BCAS3: variants seen among roughly 807,000 people sequenced by gnomAD.
BCAS3 encodes BCAS4/BCAS3 fusion.
Under a neutral mutation model 116.1 loss-of-function variants are expected in BCAS3, and 53 were observed. That is an observed-to-expected ratio of 0.46 (90% CI 0.37 to 0.57). The LOEUF (loss-of-function observed/expected upper bound fraction) is 0.57. Ranked by LOEUF, BCAS3 falls within the 20% of genes least tolerant of loss-of-function variation. BCAS3 has a pLI of 0.00. For missense variants in BCAS3, 917 were observed against 1,165.4 expected (o/e 0.79, Z 3.10); for synonymous variants, 391 against 408.2 (o/e 0.96, Z 0.51).
chr17:60,991,305 C>T (rs1194482193), intron 15 of BCAS3, among the ~76,000 whole-genome samples: 1 of 152,184 alleles, frequency 6.6e-6, no homozygotes, highest in Admixed American at 6.6e-5. Flanking sequence ...TTACAGCTCT[C>T]ATTTATTCCA....
rs900431308 is a variant in BCAS3 at position 61,041,700 on chromosome 17, G to C, written c.2029+808G>C. 3.3e-5 allele frequency among the ~76,000 whole-genome samples: 5 copies of C among 151,864 alleles called. No individual in the cohort carries two copies. Among genetic ancestry groups the C allele is most frequent in the African/African-American group, 9.7e-5 (4 of 41,358 alleles). On this transcript the variant is annotated intron_variant, in intron 19 of 23. Coordinates refer to ENST00000407086, the MANE Select transcript of BCAS3 (RefSeq NM_017679.5). The surrounding 1 kb of genome is among the most constrained non-coding windows in gnomAD (Gnocchi z 4.7). The stretch of plus-strand genomic sequence containing the variant: ...GAAAGCATGAATTAAAATAGTTGTC[G>C]AATGATTTTATTTTATCTTTATAAT...
rs1179451655 is a variant in BCAS3 at position 61,248,563 on chromosome 17, G to A, written c.2426-119764G>A. On this transcript the variant is annotated intron_variant, in intron 22 of 23. Transcript: ENST00000407086. This position sits in a 1 kb window ranked among gnomAD's most constrained non-coding sequence, Gnocchi z 4.3. ...GATTAGAGTGCAAAGTCCATCTGGT[G>A]AGAATTTGTCTGGTTTGTGCTTCCT... 6.6e-6 allele frequency among the ~76,000 whole-genome samples: 1 copy of A among 152,182 alleles called. No homozygotes were observed. Among genetic ancestry groups the A allele is most frequent in the African/African-American group, 2.4e-5 (1 of 41,440 alleles).
chr17:60,734,644 A>T (rs534054287), intron 5 of BCAS3, among the ~76,000 whole-genome samples: 1 of 152,320 alleles, frequency 6.6e-6, no homozygotes, highest in East Asian at 1.9e-4. Flanking sequence ...GACTGTATTT[A>T]TGTGGGTCTA....
In BCAS3 at chr17:61,118,202, G is replaced by T. The variant is rs2075589599; in HGVS notation, c.2425+33638G>T. Among the ~76,000 whole-genome samples the T allele has an allele frequency of 6.6e-6, 1 of 152,148 alleles. No individual in the cohort carries two copies. The highest frequency in any genetic ancestry group is 2.4e-5 in the African/African-American group (1 of 41,418). On this transcript the variant is annotated intron_variant, in intron 22 of 23. Transcript: ENST00000407086. The surrounding 1 kb of genome is among the most constrained non-coding windows in gnomAD (Gnocchi z 5.0). ...GGATGTTCTACCTCGTTTCTGCCAG[G>T]TGGAGGTAGAAGCCCAGGTTCCTTA...
Position 61,355,448 on chromosome 17 carries a change from C to A in BCAS3, c.2426-12879C>A, listed in dbSNP as rs949108207. ...TGGAATGGAAAGACTGAGCTGAAAA[C>A]CCCCTCGCTGGCACTCCAGCCATAT... On this transcript the variant is annotated intron_variant, in intron 22 of 23. Coordinates refer to ENST00000407086, the MANE Select transcript of BCAS3 (RefSeq NM_017679.5). The surrounding 1 kb of genome is among the most constrained non-coding windows in gnomAD (Gnocchi z 4.2). 6.6e-6 allele frequency among the ~76,000 whole-genome samples: 1 copy of A among 151,500 alleles called. No homozygotes were observed. Among genetic ancestry groups the A allele is most frequent in the Non-Finnish European group, 1.5e-5 (1 of 67,960 alleles).
At chr17:60,949,283 G>C (rs1479713133) in intron 14 of BCAS3, among the ~76,000 whole-genome samples, 1 of 149,960 alleles carries the variant, frequency 6.7e-6, no homozygotes, top group Admixed American at 6.7e-5. Flanking sequence ...TTGAGGACAG[G>C]GTCTTGCTCT....
At chr17:61,321,705 C>A (rs868286209) in intron 22 of BCAS3, among the ~76,000 whole-genome samples, 4 of 152,070 alleles carry the variant, frequency 2.6e-5, no homozygotes, top group South Asian at 2.1e-4. Context: ...CCTAGGAAGG[C>A]GAGCCAGCAA....
chr17:60,998,757 A>AT (rs2064015309), intron 15 of BCAS3, among the ~76,000 whole-genome samples: 1 of 151,938 alleles, frequency 6.6e-6, no homozygotes, highest in Admixed American at 6.6e-5. Flanking sequence ...AGTTTGTAGT[A>AT]TTTTTTTCCC....
rs917444356 is a variant in BCAS3 at position 61,235,283 on chromosome 17, G to A, written c.2426-133044G>A. On this transcript the variant is annotated intron_variant, in intron 22 of 23. Transcript: ENST00000407086. This position sits in a 1 kb window ranked among gnomAD's most constrained non-coding sequence, Gnocchi z 5.0. ...GTGAAGGCTGAAGGACCGGATAAGT[G>A]TAGTTTCCAGAATCCTTCTTGGCTA... Among the ~76,000 whole-genome samples the A allele has an allele frequency of 6.6e-6, 1 of 152,198 alleles. No homozygotes were observed. The highest frequency in any genetic ancestry group is 2.1e-4 in the South Asian group (1 of 4,832).
intron 22 of BCAS3, among the ~76,000 whole-genome samples, chr17:61,201,922 C>G (rs2080848159): frequency 6.6e-6 from 1 of 151,420 alleles, no homozygotes. Flanking sequence ...CCACGCTCGG[C>G]TAGTTTTTGT....
intron 6 of BCAS3, among the ~76,000 whole-genome samples, chr17:60,804,700 T>C (rs548357793): frequency 1.3e-5 from 2 of 152,336 alleles, no homozygotes; most frequent in South Asian, 2.1e-4. Flanking sequence ...AATAATCTTA[T>C]ATACAAGTTA....
chr17:61,032,780 C>A lies in BCAS3; in HGVS notation c.1638-1886C>A, dbSNP rs919150067. Among the ~76,000 whole-genome samples, 1 of 152,194 alleles carries A rather than the reference C, an allele frequency of 6.6e-6. No homozygotes were observed. The highest frequency in any genetic ancestry group is 1.5e-5 in the Non-Finnish European group (1 of 68,024). ...TATTTAAAAACGATGTCTTTATTCC[C>A]TGTCACTGGAAGTCTCACTGTGACT... On this transcript the variant is annotated intron_variant, in intron 16 of 23. Coordinates refer to ENST00000407086, the MANE Select transcript of BCAS3 (RefSeq NM_017679.5). The surrounding 1 kb of genome is among the most constrained non-coding windows in gnomAD (Gnocchi z 4.6).
intron 19 of BCAS3, among the ~76,000 whole-genome samples, chr17:61,047,382 A>T (rs1353210376): frequency 1.3e-5 from 2 of 152,046 alleles, no homozygotes; most frequent in African/African-American, 2.4e-5. Context: ...ATATTTCAGC[A>T]GTTTCACAGA....
At chr17:61,187,824 TTTTC>T (rs983857075) in intron 22 of BCAS3, among the ~76,000 whole-genome samples, 10 of 152,016 alleles carry the variant, frequency 6.6e-5, no homozygotes, top group African/African-American at 2.4e-4. Context: ...AAGGTTTTTT[TTTTC>T]TTTCTTTCTT....
chr17:60,848,947 C>T (rs746516400), intron 7 of BCAS3, among the ~76,000 whole-genome samples: 14 of 152,192 alleles, frequency 9.2e-5, no homozygotes, highest in East Asian at 1.9e-4. Flanking sequence ...CTTCACTTCC[C>T]GCTTGAGATG....
intron 5 of BCAS3, among the ~76,000 whole-genome samples, chr17:60,718,512 G>T (rs1024652305): frequency 2.0e-5 from 3 of 152,114 alleles, no homozygotes; most frequent in Non-Finnish European, 4.4e-5. Flanking sequence ...TTTGCTCACT[G>T]CAGCCTCTAC....
In BCAS3 at chr17:61,343,386, C is replaced by T. The variant is rs144904652; in HGVS notation, c.2426-24941C>T. Among the ~76,000 whole-genome samples the T allele has an allele frequency of 7.2e-5, 11 of 152,154 alleles. No individual in the cohort carries two copies. Among genetic ancestry groups the T allele is most frequent in the Non-Finnish European group, 1.0e-4 (7 of 68,032 alleles). On this transcript the variant is annotated intron_variant, in intron 22 of 23. Coordinates refer to ENST00000407086, the MANE Select transcript of BCAS3 (RefSeq NM_017679.5). This position sits in a 1 kb window ranked among gnomAD's most constrained non-coding sequence, Gnocchi z 5.5. ...AGTACCAATGGTCAGGCAGACACAC[C>T]GACCCAGGCAGGAGCAGCGATCTGG...
intron 15 of BCAS3, among the ~76,000 whole-genome samples, chr17:61,015,303 T>C (rs2065378259): frequency 6.6e-6 from 1 of 152,236 alleles, no homozygotes; most frequent in African/African-American, 2.4e-5. Flanking sequence ...TGTTTGTTTG[T>C]TTAGAGACAG....
At chr17:61,107,751 A>G (rs1020545316) in intron 22 of BCAS3, among the ~76,000 whole-genome samples, 1 of 152,184 alleles carries the variant, frequency 6.6e-6, no homozygotes. Flanking sequence ...TTAGTTAACT[A>G]TTCACCTATT....
Sources: allele counts gnomAD v4.1 joint callset (sites outside exome capture counted in the v4.1 genomes callset), GRCh38; gene constraint gnomAD v4.1.1; non-coding constraint Gnocchi (gnomAD v3.1); transcripts MANE v1.5; gene names NCBI Gene and HGNC (gene_info 2026-07-23, HGNC 2026-07-21).